JAK1: variants seen among roughly 807,000 people sequenced by gnomAD.
The protein encoded by JAK1 is Janus kinase 1, also known as tyrosine-protein kinase JAK1.
In JAK1, 16 loss-of-function variants were observed where a neutral mutation model predicts 136.6. The observed-to-expected ratio is 0.12, with a 90% CI of 0.08 to 0.18. The LOEUF (loss-of-function observed/expected upper bound fraction) is 0.18. Among genes scored for constraint, JAK1 ranks in the 10% least tolerant of loss-of-function variants. JAK1 has a pLI of 1.00. For synonymous variants in JAK1, 492 were observed against 519.5 expected, an observed-to-expected ratio of 0.95 and a Z score of 0.72; for missense variants, 859 against 1,450.1, an observed-to-expected ratio of 0.59 and a Z score of 6.62.
chr1:65,031,231 G>C (rs1049184223), intron 2 of JAK1, among the ~76,000 whole-genome samples: 1 of 150,538 alleles, frequency 6.6e-6, no homozygotes, highest in African/African-American at 2.4e-5. Flanking sequence ...CTTAACCAGA[G>C]ATCAAAGTAC....
rs1646716855 is a variant in JAK1, at chr1:64,997,749, TCTCCAGAACATACAGAGTCCTGGGC to T, written c.-78+46706_-78+46730del. Among the ~76,000 whole-genome samples, 8 of 152,210 alleles carry T rather than the reference TCTCCAGAACATACAGAGTCCTGGGC, an allele frequency of 5.3e-5. No individual in the cohort carries two copies. The South Asian group carries it at 1.7e-3, about 32-fold the overall frequency. ...GGGACTGTTGTGGGGAGGAGTCTCT[TCTCCAGAACATACAGAGTCCTGGGC>T]CTCCCTCTTCATTCTTGACAATGCT... On this transcript the variant is annotated intron_variant, in intron 2 of 25. Transcript: ENST00000671954.
At chr1:64,889,581 T>C (rs1644903486) in intron 1 of JAK1, among the ~76,000 whole-genome samples, 1 of 152,186 alleles carries the variant, frequency 6.6e-6, no homozygotes, top group Non-Finnish European at 1.5e-5. Flanking sequence ...AAAAGACAAG[T>C]ATATCTGACA....
intron 2 of JAK1, among the ~76,000 whole-genome samples, chr1:65,004,303 A>G (rs1646786417): frequency 1.3e-5 from 2 of 152,224 alleles, no homozygotes; most frequent in Admixed American, 6.5e-5. Flanking sequence ...GAGGAGGAAA[A>G]ACAGAATAAG....
At chr1:65,024,390 C>G (rs1380092877) in intron 2 of JAK1, among the ~76,000 whole-genome samples, 1 of 152,060 alleles carries the variant, frequency 6.6e-6, no homozygotes, top group Non-Finnish European at 1.5e-5. Flanking sequence ...TTATTGGCTA[C>G]TTGTACACCT....
intron 2 of JAK1, chr1:64,990,032 G>A (rs540203497): frequency 2.0e-5 from 3 of 152,260 alleles, no homozygotes; most frequent in Non-Finnish European, 4.4e-5. Context: ...TGAAGGCCAG[G>A]CGTGGTGGCT....
intron 7 of JAK1, among the ~76,000 whole-genome samples, chr1:64,865,972 C>T (rs1251080815): frequency 6.6e-6 from 1 of 152,224 alleles, no homozygotes; most frequent in East Asian, 1.9e-4. Context: ...GTTGCCCAGG[C>T]TAGGCTCAAA....
intron 2 of JAK1, among the ~76,000 whole-genome samples, chr1:65,024,926 G>A (rs928877629): frequency 2.6e-5 from 4 of 152,120 alleles, no homozygotes; most frequent in Non-Finnish European, 4.4e-5. Context: ...GCAGTGAGCC[G>A]AGATCGTGCC....
Position 64,883,450 on chromosome 1 carries a change from T to A in JAK1, c.32A>T (p.Asn11Ile). The A allele has an allele frequency of 6.2e-7, 1 of 1,614,062 alleles. No homozygotes were observed. The highest frequency in any genetic ancestry group is 8.5e-7 in the Non-Finnish European group (1 of 1,179,948). MQYLNIKEDC[N>I]AMAFCAKMRS... is the part of the protein sequence containing the mutation. ...CATTTTAGCACAGAAAGCCATGGCA[T>A]TGCAGTCCTCTTTTATATTTAGATA... Residue 11 changes from asparagine (N) to isoleucine (I), a missense_variant, in exon 3 of 25, where the codon AAT (asparagine) becomes ATT (isoleucine). By Grantham distance (149) the Asn-to-Ile change is moderately radical (BLOSUM62 -3). Coordinates refer to ENST00000342505, the MANE Select transcript of JAK1 (RefSeq NM_002227.4).
intron 8 of JAK1, among the ~76,000 whole-genome samples, chr1:64,863,084 A>T: frequency 8.3e-6 from 1 of 120,762 alleles, no homozygotes; most frequent in African/African-American, 3.3e-5. Context: ...CATATAACAC[A>T]GGGCCTAATA....
upstream of JAK1, among the ~76,000 whole-genome samples, chr1:64,968,757 C>A (rs566000230): frequency 8.7e-4 from 132 of 152,206 alleles, no homozygotes; most frequent in Admixed American, 1.6e-3. Flanking sequence ...CATGGCGAAA[C>A]CCCATCTCTA....
upstream of JAK1, among the ~76,000 whole-genome samples, chr1:64,967,735 A>G (rs943675736): frequency 1.3e-5 from 2 of 152,204 alleles, no homozygotes; most frequent in South Asian, 2.1e-4. Context: ...GTGTTGCCCT[A>G]AACAATTCTT....
chr1:64,966,391 C>G lies in JAK1; in HGVS notation c.-136G>C, dbSNP rs1569773687. On this transcript the variant is annotated 5_prime_UTR_variant, in exon 1 of 25. Coordinates refer to ENST00000342505, the MANE Select transcript of JAK1 (RefSeq NM_002227.4). ...CGTCGCTGCGCTGGCTGGGGTCGAC[C>G]GGCAGGCTCGCTAGGCGGCCAGCCC... is the stretch of plus-strand genomic sequence containing the variant. 1 of 151,342 alleles carries G rather than the reference C, an allele frequency of 6.6e-6. No homozygotes were observed. The highest frequency in any genetic ancestry group is 2.4e-5 in the African/African-American group (1 of 41,422). The allele number at this position is 151,342 out of a possible 1,614,324, so 9.4% of individuals were successfully genotyped here.
At chr1:65,033,725 C>CAA (rs10700479) in intron 2 of JAK1, among the ~76,000 whole-genome samples, 7,364 of 89,078 alleles carry the variant, frequency 0.083, 311 homozygotes, top group Admixed American at 0.18. Flanking sequence ...CCCGTAGTAC[C>CAA]AAAAAAAAAA....
Position 64,835,422 on chromosome 1 carries a change from G to A in JAK1, c.3343C>T (p.Pro1115Ser), listed in dbSNP as rs376079085. The change falls in exon 24 of 25, where the codon CCG becomes TCG. Residue 1115 changes from proline (P) to serine (S), a missense_variant. This residue lies in a region of JAK1 where 53 missense variants were observed against 64.8 expected (regional missense o/e 0.82). Coordinates refer to ENST00000342505, the MANE Select transcript of JAK1 (RefSeq NM_002227.4). ...VNTLKEGKRL[P>S]CPPNCPDEVY... is the part of the protein sequence containing the mutation. ...TCATCTGGACAGTTAGGTGGGCACG[G>A]CAGGCGTTTTCCTTCTTTTAACGTA... The A allele has an allele frequency of 1.3e-5, 21 of 1,605,708 alleles. 1 individual carries two copies. The highest frequency in any genetic ancestry group is 1.7e-5 in the Non-Finnish European group (20 of 1,175,624).
chr1:64,878,478 T>C (rs2101205081), intron 4 of JAK1, among the ~76,000 whole-genome samples: 1 of 150,648 alleles, frequency 6.6e-6, no homozygotes, highest in Non-Finnish European at 1.5e-5. Flanking sequence ...TAGTTAACAC[T>C]TCAGGCAATG....
chr1:64,915,047 AT>A (rs1645369867), intron 1 of JAK1, among the ~76,000 whole-genome samples: 1 of 152,124 alleles, frequency 6.6e-6, no homozygotes, highest in Admixed American at 6.5e-5. Flanking sequence ...TGAGTCAATT[AT>A]TTTACCTGCC....
At chr1:65,022,194 G>A (rs994722799) in intron 2 of JAK1, among the ~76,000 whole-genome samples, 3 of 152,216 alleles carry the variant, frequency 2.0e-5, no homozygotes, top group African/African-American at 4.8e-5. Context: ...ATGACTACTT[G>A]AGTGCATTTT....
At chr1:64,859,038 A>G (rs1570651151) in intron 9 of JAK1, among the ~76,000 whole-genome samples, 1 of 152,110 alleles carries the variant, frequency 6.6e-6, no homozygotes, top group South Asian at 2.1e-4. Flanking sequence ...CAAATGCTCA[A>G]CCCCTTGCTC....
chr1:64,977,584 C>G (rs1646507579), intron 2 of JAK1, among the ~76,000 whole-genome samples: 1 of 151,998 alleles, frequency 6.6e-6, no homozygotes, highest in South Asian at 2.1e-4. Context: ...GCATCCACCA[C>G]CATGCCCGGC....
Sources: allele counts gnomAD v4.1 joint callset (sites outside exome capture counted in the v4.1 genomes callset), GRCh38; gene constraint gnomAD v4.1.1; regional missense constraint gnomAD v4.1.1; transcripts MANE v1.5; gene names NCBI Gene and HGNC (gene_info 2026-07-23, HGNC 2026-07-21).